NHSL1: variants seen among roughly 807,000 people sequenced by gnomAD.
The protein encoded by NHSL1 is NHS-like protein 1.
Under a neutral mutation model 95.0 loss-of-function variants are expected in NHSL1, and 48 were observed. The ratio of observed to expected loss-of-function variants is 0.51; its 90% CI spans 0.40 to 0.64. NHSL1 has a LOEUF of 0.64. NHSL1 is among the 30% of genes least tolerant of loss of function. The pLI is 0.00. For synonymous variants in NHSL1, 783 were observed against 833.9 expected, an observed-to-expected ratio of 0.94 and a Z score of 1.05; for missense variants, 1,971 against 2,077.7, an observed-to-expected ratio of 0.95 and a Z score of 1.00.
intron 2 of NHSL1, among the ~76,000 whole-genome samples, chr6:138,491,297 G>T (rs1441000707): frequency 2.0e-5 from 3 of 152,146 alleles, no homozygotes; most frequent in Non-Finnish European, 2.9e-5. Flanking sequence ...GAGAAATTAT[G>T]TTTATCTCTC....
rs141149057 is a variant in NHSL1 at position 138,678,478 on chromosome 6, A to G, written c.96+13998T>C. Among the ~76,000 whole-genome samples, 11 of 152,368 alleles carry G rather than the reference A, an allele frequency of 7.2e-5. No homozygotes were observed. In the East Asian group the frequency reaches 2.1e-3, roughly 29 times the overall value. On this transcript the variant is annotated intron_variant, in intron 1 of 3. Coordinates refer to the NHSL1 transcript ENST00000491526. The stretch of plus-strand genomic sequence containing the variant: ...CATTGGACTAGTAGCACCATGATTT[A>G]AAATAATCAGGCTAAGACAGAAAAT...
chr6:138,611,485 G>A (rs1784511117), intron 1 of NHSL1, among the ~76,000 whole-genome samples: 3 of 152,170 alleles, frequency 2.0e-5, no homozygotes, highest in South Asian at 4.1e-4. Flanking sequence ...GGTGGCTCAC[G>A]CCTGTAATCC....
intron 1 of NHSL1, among the ~76,000 whole-genome samples, chr6:138,497,590 C>CA (rs1441182508): frequency 1.2e-4 from 19 of 152,314 alleles, no homozygotes. Flanking sequence ...ACTAAACATA[C>CA]TCTATAGCAC....
chr6:138,689,327 T>TG (rs1008893914), intron 1 of NHSL1, among the ~76,000 whole-genome samples: 6 of 152,106 alleles, frequency 3.9e-5, no homozygotes, highest in African/African-American at 1.4e-4. Flanking sequence ...CCCCTCAACC[T>TG]GGGGGTGTCA....
chr6:138,692,616 A>T, upstream of NHSL1: 1 of 174,800 alleles, frequency 5.7e-6, no homozygotes, highest in Non-Finnish European at 1.2e-5. The surrounding 1 kb of genome is among the most constrained non-coding windows in gnomAD (Gnocchi z 4.0). Context: ...GCAGCGCGAC[A>T]GGTCGGCCAG....
At chr6:138,670,328 T>C (rs963574396) in intron 1 of NHSL1, among the ~76,000 whole-genome samples, 4 of 146,524 alleles carry the variant, frequency 2.7e-5, no homozygotes, top group African/African-American at 5.1e-5. Context: ...GGAAAAGAGA[T>C]CTAAACAGAA....
chr6:138,512,891 C>T (rs897913627), intron 1 of NHSL1, among the ~76,000 whole-genome samples: 1 of 152,166 alleles, frequency 6.6e-6, no homozygotes, highest in Non-Finnish European at 1.5e-5. Flanking sequence ...TGGGGTTTTC[C>T]CCGGTGTTAC....
At chr6:138,599,094 A>G (rs1472837226) in intron 1 of NHSL1, among the ~76,000 whole-genome samples, 1 of 152,140 alleles carries the variant, frequency 6.6e-6, no homozygotes, top group African/African-American at 2.4e-5. Context: ...TTACCTCTTG[A>G]CCCAGGCACA....
chr6:138,581,110 A>G (rs978984731), intron 1 of NHSL1, among the ~76,000 whole-genome samples: 2 of 152,240 alleles, frequency 1.3e-5, no homozygotes, highest in Non-Finnish European at 2.9e-5. Flanking sequence ...CTATGAGGGA[A>G]TAAATTTCCA....
chr6:138,507,893 C>T (rs1562336597), intron 1 of NHSL1, among the ~76,000 whole-genome samples: 1 of 152,024 alleles, frequency 6.6e-6, no homozygotes. Flanking sequence ...AAAGGGGAAC[C>T]TTAGGAGATG....
Position 138,432,755 on chromosome 6 carries a change from G to A in NHSL1, c.1590C>T (p.Pro530=). The change falls in exon 6 of 8, where the codon CCC becomes CCT. Residue 530 remains proline, a synonymous_variant. Coordinates refer to ENST00000343505, the MANE Select transcript of NHSL1 (RefSeq NM_001144060.2). The surrounding 1 kb of genome is among the most constrained non-coding windows in gnomAD (Gnocchi z 4.4). The part of the protein sequence containing the change: ...CRNNLAFPAH[P]QDVDGKSESS... ...ATTCACTCTTGCCATCCACATCTTG[G>A]GGGTGGGCTGGGAAGGCCAGGTTGT... 6 of 1,551,620 alleles carry A rather than the reference G, an allele frequency of 3.9e-6. No homozygotes were observed. Among genetic ancestry groups the A allele is most frequent in the Non-Finnish European group, 5.2e-6 (6 of 1,146,920 alleles).
intron 1 of NHSL1, among the ~76,000 whole-genome samples, chr6:138,627,900 T>A (rs1045816760): frequency 3.3e-5 from 5 of 151,642 alleles, no homozygotes; most frequent in East Asian, 3.9e-4. Flanking sequence ...ATAAAAAAAA[T>A]TTAAAAAATT....
intron 1 of NHSL1, among the ~76,000 whole-genome samples, chr6:138,531,758 C>A (rs550879407): frequency 6.6e-6 from 1 of 152,152 alleles, no homozygotes. Context: ...AAGTGATCTG[C>A]CTGCCTAGCC....
In NHSL1 at chr6:138,622,544, G is replaced by T. The variant is rs139771447; in HGVS notation, c.96+69932C>A. On this transcript the variant is annotated intron_variant, in intron 1 of 3. Coordinates refer to the NHSL1 transcript ENST00000491526. ...TCCCACGTGGGGGTGTTTCATGAGGGTACATTAATTTAATATTAAATAAAA... is the reference window on the plus strand; with the variant it reads ...TCCCACGTGGGGGTGTTTCATGAGGTTACATTAATTTAATATTAAATAAAA... Among the ~76,000 whole-genome samples, 200 of 151,952 alleles carry T rather than the reference G, an allele frequency of 1.3e-3. 1 individual carries two copies. The highest frequency in any genetic ancestry group is 4.6e-3 in the African/African-American group (190 of 41,406).
At chr6:138,447,359 C>T (rs1776929386) in intron 3 of NHSL1, among the ~76,000 whole-genome samples, 166 bp from the exon 4 acceptor site, 1 of 152,136 alleles carries the variant, frequency 6.6e-6, no homozygotes, top group South Asian at 2.1e-4. Context: ...TTGAGTCTGA[C>T]CTATAATATG....
intron 5 of NHSL1, among the ~76,000 whole-genome samples, chr6:138,440,883 C>T (rs545309712): frequency 2.0e-5 from 3 of 152,258 alleles, no homozygotes; most frequent in South Asian, 4.1e-4. Flanking sequence ...TAGAGTGTAA[C>T]TTTTGAGAGT....
At chr6:138,628,173 A>G (rs1196322848) in intron 1 of NHSL1, among the ~76,000 whole-genome samples, 1 of 143,094 alleles carries the variant, frequency 7.0e-6, no homozygotes, top group East Asian at 2.3e-4. Context: ...TTAGCCAGGC[A>G]TGGTGGTACA....
intron 1 of NHSL1, among the ~76,000 whole-genome samples, chr6:138,527,038 A>G (rs1361387918): frequency 6.6e-6 from 1 of 152,200 alleles, no homozygotes; most frequent in Non-Finnish European, 1.5e-5. Context: ...TGTGTCTAAC[A>G]TTAGCGTCTT....
At chr6:138,437,290 A>C (rs1776173632) in intron 5 of NHSL1, among the ~76,000 whole-genome samples, 1 of 142,016 alleles carries the variant, frequency 7.0e-6, no homozygotes. Flanking sequence ...AAAAAAATAC[A>C]CAAATGTATA....
Sources: allele counts gnomAD v4.1 joint callset (sites outside exome capture counted in the v4.1 genomes callset), GRCh38; gene constraint gnomAD v4.1.1; non-coding constraint Gnocchi (gnomAD v3.1); transcripts MANE v1.5; gene names NCBI Gene and HGNC (gene_info 2026-07-23, HGNC 2026-07-21).